The following RNF138 variants were observed in gnomAD, a reference collection of about 807,000 sequenced individuals.
RNF138 encodes E3 ubiquitin-protein ligase RNF138.
A neutral mutation model predicts 31.0 loss-of-function variants in RNF138; 12 were observed. That is an observed-to-expected ratio of 0.39 (90% CI 0.25 to 0.63). The LOEUF (loss-of-function observed/expected upper bound fraction) is 0.63. Ranked by LOEUF, RNF138 falls within the 20% of genes least tolerant of loss-of-function variation. The pLI is 0.52. For synonymous variants in RNF138, 105 were observed against 99.5 expected (o/e 1.06, Z -0.33); for missense variants, 192 against 300.1 (o/e 0.64, Z 2.66).
chr18:32,093,671 A>G (rs1026830265), intron 2 of RNF138, among the ~76,000 whole-genome samples: 6 of 152,172 alleles, frequency 3.9e-5, no homozygotes, highest in African/African-American at 7.2e-5. Flanking sequence ...TTGAGATGCT[A>G]CCCAGGGTGG....
chr18:32,096,095 G>A (rs1445974008), intron 2 of RNF138, among the ~76,000 whole-genome samples: 1 of 152,200 alleles, frequency 6.6e-6, no homozygotes, highest in Non-Finnish European at 1.5e-5. Flanking sequence ...GGAGCTTAGC[G>A]TTATTGGCAG....
intron 5 of RNF138, 100 bp downstream of exon 5, chr18:32,123,674 C>CG: frequency 2.9e-6 from 2 of 696,000 alleles, no homozygotes; most frequent in Non-Finnish European, 4.3e-6. Context: ...TTTTTTGAGA[C>CG]GGAGTCTCAC....
chr18:32,113,470 C>A (rs1006178673), intron 3 of RNF138, among the ~76,000 whole-genome samples: 3 of 152,142 alleles, frequency 2.0e-5, no homozygotes, highest in African/African-American at 7.2e-5. Context: ...ATTTTTTTGT[C>A]TACTGCTGGT....
chr18:32,130,836 T>TAAAG lies in RNF138; in HGVS notation c.*1651_*1654dup, dbSNP rs2040463153. Reference sequence around the variant, plus strand: ...AACATACGCCTTTGTTCTGTCATTTTAAAGAGTGGTGTTTACTATGTGTGT... The same window carrying TAAAG: ...AACATACGCCTTTGTTCTGTCATTTTAAAGAAAGAGTGGTGTTTACTATGTGTGT... On this transcript the variant is annotated 3_prime_UTR_variant, in exon 8 of 8. Transcript: ENST00000261593. The TAAAG allele has an allele frequency of 1.3e-5, 2 of 152,528 alleles. No homozygotes were observed. Among genetic ancestry groups the TAAAG allele is most frequent in the South Asian group, 2.1e-4 (1 of 4,836 alleles). The allele number at this position is 152,528 out of a possible 1,614,324, so 9.4% of individuals were successfully genotyped here. A position where few individuals can be genotyped will look rare whatever the true frequency, so the allele number is the denominator to read the frequency against.
rs775419697 is a variant in RNF138 at position 32,092,679 on chromosome 18, C to T, written c.-77-21C>T. 13 of 722,146 alleles carry T rather than the reference C, an allele frequency of 1.8e-5. No homozygotes were observed. The African/African-American group carries it at 2.3e-4, about 13-fold the overall frequency. 44.7% of individuals were successfully genotyped at this position (722,146 alleles called of 1,614,324 possible). A position where few individuals can be genotyped will look rare whatever the true frequency, so the allele number is the denominator to read the frequency against. ...CGCTGTATCCTGATGCGATCCCCCT[C>T]CCCCCTCCGGGTTCATGTAGGGAGT... On this transcript the variant is annotated intron_variant, in intron 1 of 7. Coordinates refer to ENST00000261593, the MANE Select transcript of RNF138 (RefSeq NM_016271.5).
intron 4 of RNF138, among the ~76,000 whole-genome samples, chr18:32,116,435 C>A (rs1027708032): frequency 6.6e-6 from 1 of 150,538 alleles, no homozygotes; most frequent in Non-Finnish European, 1.5e-5. Flanking sequence ...ATATCCTTTG[C>A]GGAGTTCTGA....
In RNF138 at chr18:32,105,052, TTAAAAA is replaced by T. The variant is rs1664819088; in HGVS notation, c.111-6699_111-6694del. Among the ~76,000 whole-genome samples the T allele has an allele frequency of 2.6e-5, 4 of 152,272 alleles. No individual in the cohort carries two copies. In the South Asian group the frequency reaches 8.3e-4, roughly 32 times the overall value. On this transcript the variant is annotated intron_variant, in intron 2 of 7. Coordinates refer to ENST00000261593, the MANE Select transcript of RNF138 (RefSeq NM_016271.5). ...ATTTTCCTGTGAAAGTATTATTAAA[TTAAAAA>T]TATAAAAATACAAAATGAAAATTAA...
At chr18:32,120,894 T>G (rs1024715955) in intron 4 of RNF138, among the ~76,000 whole-genome samples, 1 of 152,060 alleles carries the variant, frequency 6.6e-6, no homozygotes, top group Admixed American at 6.6e-5. Flanking sequence ...CTGTAATCCC[T>G]GTACTTTGGG....
intron 7 of RNF138, among the ~76,000 whole-genome samples, chr18:32,128,532 C>T (rs929130932): frequency 2.0e-5 from 3 of 152,090 alleles, no homozygotes; most frequent in Non-Finnish European, 4.4e-5. Flanking sequence ...AGCCAAACTG[C>T]CCCCCAAAAA....
At chr18:32,097,976 G>A (rs199720611) in intron 2 of RNF138, among the ~76,000 whole-genome samples, 207 of 29,726 alleles carry the variant, frequency 7.0e-3, no homozygotes, top group South Asian at 0.015. Flanking sequence ...GTGTGTGTGT[G>A]TTATTTTTGT....
Position 32,130,786 on chromosome 18 carries a change from A to C in RNF138, c.*1599A>C, listed in dbSNP as rs939515589. 1.2e-4 allele frequency: 18 copies of C among 152,506 alleles called. No homozygotes were observed. The highest frequency in any genetic ancestry group is 4.1e-4 in the African/African-American group (17 of 41,462). The allele number at this position is 152,506 out of a possible 1,614,324, so 9.4% of individuals were successfully genotyped here. A position where few individuals can be genotyped will look rare whatever the true frequency, so the allele number is the denominator to read the frequency against. On this transcript the variant is annotated 3_prime_UTR_variant, in exon 8 of 8. Coordinates refer to ENST00000261593, the MANE Select transcript of RNF138 (RefSeq NM_016271.5). Reference sequence around the variant, plus strand: ...TTATTTATGGATTGTAATAACAACCACAAGAAAAGCCATACATCTTAATGA... The same window carrying C: ...TTATTTATGGATTGTAATAACAACCCCAAGAAAAGCCATACATCTTAATGA...
intron 2 of RNF138, among the ~76,000 whole-genome samples, chr18:32,098,195 C>G (rs900484466): frequency 2.0e-5 from 3 of 151,976 alleles, no homozygotes; most frequent in Admixed American, 1.3e-4. Context: ...ACCATGTTGG[C>G]CAGGCTGGTT....
intron 2 of RNF138, among the ~76,000 whole-genome samples, chr18:32,102,561 T>G (rs909269268): frequency 6.6e-6 from 1 of 151,950 alleles, no homozygotes; most frequent in Non-Finnish European, 1.5e-5. Flanking sequence ...AGTAATGCAA[T>G]TAATATTTGA....
At position 32,116,696 on chromosome 18, in the gene RNF138, C is replaced by T. The variant is rs114681478; in HGVS notation, c.392+2836C>T. On this transcript the variant is annotated intron_variant, in intron 4 of 7. Transcript: ENST00000261593. ...CCTCCCATGTAGCTAGGACCATGGG[C>T]GCATGCCACCACATCCATCTAATTT... Among the ~76,000 whole-genome samples the T allele has an allele frequency of 9.8e-3, 1,485 of 151,800 alleles. 23 individuals carry two copies. The highest frequency in any genetic ancestry group is 0.033 in the African/African-American group (1,372 of 41,420).
chr18:32,093,437 T>A (rs1031831555), intron 2 of RNF138, among the ~76,000 whole-genome samples: 2 of 152,128 alleles, frequency 1.3e-5, no homozygotes, highest in African/African-American at 4.8e-5. Flanking sequence ...CCCTCAACCC[T>A]GCTTCACAGA....
At position 32,129,460 on chromosome 18, in the gene RNF138, G is replaced by A. The variant is rs1568244001; in HGVS notation, c.*273G>A. The stretch of plus-strand genomic sequence containing the variant: ...AATCCCTGTTGTACTTTATCTTTTT[G>A]TAATATTATTTTTGAATTTTTCATT... On this transcript the variant is annotated 3_prime_UTR_variant, in exon 8 of 8. Coordinates refer to ENST00000261593, the MANE Select transcript of RNF138 (RefSeq NM_016271.5). 7.2e-6 allele frequency: 2 copies of A among 277,920 alleles called. No homozygotes were observed. Among genetic ancestry groups the A allele is most frequent in the Admixed American group, 5.2e-5 (1 of 19,230 alleles). The allele number at this position is 277,920 out of a possible 1,614,324, so 17.2% of individuals were successfully genotyped here. A position where few individuals can be genotyped will look rare whatever the true frequency, so the allele number is the denominator to read the frequency against.
At chr18:32,127,185 T>C (rs1253762720) in intron 7 of RNF138, among the ~76,000 whole-genome samples, 3 of 152,210 alleles carry the variant, frequency 2.0e-5, no homozygotes, top group African/African-American at 7.2e-5. Flanking sequence ...CTAGAAATCT[T>C]AGATTTCTCA....
intron 2 of RNF138, among the ~76,000 whole-genome samples, chr18:32,093,177 C>T (rs2039738394): frequency 6.6e-6 from 1 of 151,398 alleles, no homozygotes; most frequent in Admixed American, 6.6e-5. Context: ...GGGGCAGTGG[C>T]CAGGCCGTTC....
intron 3 of RNF138, among the ~76,000 whole-genome samples, chr18:32,113,109 G>T (rs1035258597): frequency 1.6e-4 from 24 of 152,104 alleles, no homozygotes; most frequent in African/African-American, 5.8e-4. Flanking sequence ...GTCTCACTTT[G>T]TCACCCAGGC....
Sources: allele counts gnomAD v4.1 joint callset (sites outside exome capture counted in the v4.1 genomes callset), GRCh38; gene constraint gnomAD v4.1.1; transcripts MANE v1.5; gene names NCBI Gene and HGNC (gene_info 2026-07-23, HGNC 2026-07-21).